The following BRINP3 variants were observed in gnomAD, a reference collection of about 807,000 sequenced individuals.
BRINP3 encodes the protein BMP/retinoic acid inducible neural specific 3, also known as BMP/retinoic acid-inducible neural-specific protein 3.
Under a neutral mutation model 71.0 loss-of-function variants are expected in BRINP3, and 19 were observed. That is an observed-to-expected ratio of 0.27 (90% CI 0.19 to 0.39). The LOEUF is 0.39. BRINP3 is among the 10% of genes least tolerant of loss of function. The pLI is 1.00. For missense variants in BRINP3, 959 were observed against 940.8 expected (o/e 1.02, Z -0.25); for synonymous variants, 380 against 337.7 (o/e 1.13, Z -1.37).
At chr1:190,324,432 A>G (rs1666450249) in intron 2 of BRINP3, among the ~76,000 whole-genome samples, 1 of 151,928 alleles carries the variant, frequency 6.6e-6, no homozygotes, top group Non-Finnish European at 1.5e-5. Context: ...AAATTCCCAA[A>G]TTTTATCAAT....
intron 6 of BRINP3, among the ~76,000 whole-genome samples, chr1:190,192,703 C>A (rs888309169): frequency 5.3e-5 from 8 of 150,710 alleles, no homozygotes; most frequent in African/African-American, 9.7e-5. Context: ...AGTGTATTTT[C>A]TAGATGCAAG....
At chr1:190,131,234 A>C (rs1378260321) in intron 7 of BRINP3, among the ~76,000 whole-genome samples, 1 of 151,314 alleles carries the variant, frequency 6.6e-6, no homozygotes, top group African/African-American at 2.4e-5. Flanking sequence ...GTGCTACCAA[A>C]AGCTGTGTAC....
chr1:190,419,124 A>C (rs1673193194), intron 2 of BRINP3, among the ~76,000 whole-genome samples: 1 of 151,834 alleles, frequency 6.6e-6, no homozygotes, highest in Non-Finnish European at 1.5e-5. Flanking sequence ...TTCTCTCTTT[A>C]GTTAAACTTC....
chr1:190,195,552 T>C (rs1270257397), intron 6 of BRINP3, among the ~76,000 whole-genome samples: 1 of 152,012 alleles, frequency 6.6e-6, no homozygotes, highest in African/African-American at 2.4e-5. Flanking sequence ...CATTGACACA[T>C]TTATTCACTT....
chr1:190,425,680 A>G (rs1379449481), intron 2 of BRINP3, among the ~76,000 whole-genome samples: 1 of 151,830 alleles, frequency 6.6e-6, no homozygotes, highest in Non-Finnish European at 1.5e-5. Flanking sequence ...ATTAAAGTAA[A>G]ATGAAAAGAG....
intron 6 of BRINP3, among the ~76,000 whole-genome samples, chr1:190,207,288 T>C (rs1209213329): frequency 1.3e-5 from 2 of 152,146 alleles, no homozygotes; most frequent in Non-Finnish European, 2.9e-5. Context: ...TTATTCTCTG[T>C]GTTAACTTGC....
chr1:190,381,390 T>C (rs946195800), intron 2 of BRINP3, among the ~76,000 whole-genome samples: 5 of 152,146 alleles, frequency 3.3e-5, no homozygotes, highest in Non-Finnish European at 7.4e-5. Flanking sequence ...CACTAACAAT[T>C]ATGTACCAAG....
intron 2 of BRINP3, among the ~76,000 whole-genome samples, chr1:190,318,883 G>A (rs1357871713): frequency 6.6e-6 from 1 of 152,048 alleles, no homozygotes. Context: ...TGCTTAGTAT[G>A]TAATAACAAA....
At chr1:190,389,677 A>G (rs1671129527) in intron 2 of BRINP3, among the ~76,000 whole-genome samples, 1 of 151,844 alleles carries the variant, frequency 6.6e-6, no homozygotes, top group African/African-American at 2.4e-5. Context: ...TGGCACATTT[A>G]ATAATTTATT....
intron 6 of BRINP3, among the ~76,000 whole-genome samples, chr1:190,202,881 C>A (rs1655130147): frequency 1.3e-5 from 2 of 152,054 alleles, no homozygotes; most frequent in Non-Finnish European, 2.9e-5. Flanking sequence ...TCTTTATCAG[C>A]AGCATGAAAA....
In BRINP3 at chr1:190,313,102, T is replaced by C. The variant is rs188402051; in HGVS notation, c.237-31352A>G. ...CAAATTACAAGTAATTTAGAGCAATTTGAAAAAAAATAAGTAAAATTATAA... is the reference window on the plus strand; with the variant it reads ...CAAATTACAAGTAATTTAGAGCAATCTGAAAAAAAATAAGTAAAATTATAA... On this transcript the variant is annotated intron_variant, in intron 2 of 7. Coordinates refer to ENST00000367462, the MANE Select transcript of BRINP3 (RefSeq NM_199051.3). Among the ~76,000 whole-genome samples, 68 of 151,988 alleles carry C rather than the reference T, an allele frequency of 4.5e-4. No homozygotes were observed. In the East Asian group the frequency reaches 0.012, roughly 28 times the overall value.
chr1:190,345,870 C>A (rs567418784), intron 2 of BRINP3, among the ~76,000 whole-genome samples: 2 of 151,880 alleles, frequency 1.3e-5, no homozygotes, highest in Admixed American at 1.3e-4. Flanking sequence ...ATCTTTCAGT[C>A]CTAAAATTGA....
At chr1:190,222,607 G>A (rs12751765) in intron 6 of BRINP3, among the ~76,000 whole-genome samples, 31,615 of 151,598 alleles carry the variant, frequency 0.21, 3,665 homozygotes, top group Middle Eastern at 0.31. Context: ...AGGAAAAGCT[G>A]CATGTTTGAA....
intron 2 of BRINP3, among the ~76,000 whole-genome samples, chr1:190,347,307 A>AT (rs1668084655): frequency 6.6e-6 from 1 of 151,638 alleles, no homozygotes; most frequent in Admixed American, 6.6e-5. Context: ...CGCCCTGCCA[A>AT]TTTTTTTGTA....
rs141420750 is a variant in BRINP3, at chr1:190,250,579, T to C, written c.618+14286A>G. On this transcript the variant is annotated intron_variant, in intron 4 of 7. Coordinates refer to ENST00000367462, the MANE Select transcript of BRINP3 (RefSeq NM_199051.3). Reference sequence around the variant, plus strand: ...GTTGAATAGGATGGGGTCAGGGGTATTGCATCATTCATTTATAGAGATCAT... The same window carrying C: ...GTTGAATAGGATGGGGTCAGGGGTACTGCATCATTCATTTATAGAGATCAT... Among the ~76,000 whole-genome samples the C allele has an allele frequency of 8.7e-3, 1,323 of 152,040 alleles. 19 individuals are homozygous for C. Among genetic ancestry groups the C allele is most frequent in the African/African-American group, 0.03 (1,264 of 41,518 alleles).
intron 1 of BRINP3, among the ~76,000 whole-genome samples, chr1:190,464,351 T>C (rs972688075): frequency 6.6e-6 from 1 of 151,952 alleles, no homozygotes; most frequent in African/African-American, 2.4e-5. Context: ...TTGAACAAAG[T>C]AGGTCATAAA....
chr1:190,133,767 G>A (rs756815596), intron 7 of BRINP3, among the ~76,000 whole-genome samples: 10 of 151,910 alleles, frequency 6.6e-5, no homozygotes, highest in Admixed American at 6.6e-5. Flanking sequence ...AGCCCAATAC[G>A]GTGGGTATGT....
At chr1:190,344,127 G>A (rs910020976) in intron 2 of BRINP3, among the ~76,000 whole-genome samples, 3 of 151,544 alleles carry the variant, frequency 2.0e-5, no homozygotes, top group Admixed American at 6.6e-5. Context: ...AATTTCAGTA[G>A]AAAAAAATCT....
intron 6 of BRINP3, among the ~76,000 whole-genome samples, chr1:190,222,640 C>T (rs1052407765): frequency 6.6e-6 from 1 of 150,974 alleles, no homozygotes; most frequent in African/African-American, 2.4e-5. Context: ...AACCCTTAGC[C>T]AGATTAAGAA....
Sources: allele counts gnomAD v4.1 joint callset (sites outside exome capture counted in the v4.1 genomes callset), GRCh38; gene constraint gnomAD v4.1.1; transcripts MANE v1.5; gene names NCBI Gene and HGNC (gene_info 2026-07-23, HGNC 2026-07-21).